GABBR2: variants seen among roughly 807,000 people sequenced by gnomAD.
GABBR2 encodes the protein G-protein coupled receptor 51.
Under a neutral mutation model 105.6 loss-of-function variants are expected in GABBR2, and 23 were observed. The observed-to-expected ratio is 0.22, with a 90% CI of 0.16 to 0.31. The LOEUF is 0.31. GABBR2 is among the 10% of genes least tolerant of loss of function. GABBR2 has a pLI of 1.00. For missense variants in GABBR2, 734 were observed against 1,245.5 expected (o/e 0.59, Z 6.18); for synonymous variants, 478 against 499.7 (o/e 0.96, Z 0.58).
chr9:98,460,623 T>G (rs1826407281), intron 6 of GABBR2, among the ~76,000 whole-genome samples: 1 of 152,034 alleles, frequency 6.6e-6, no homozygotes, highest in Admixed American at 6.6e-5. Context: ...AAAAAAAGTT[T>G]GGAAAATAAG....
chr9:98,607,901 T>TAAAC, intron 1 of GABBR2: 1 of 1,436,252 alleles, frequency 7.0e-7, no homozygotes, highest in South Asian at 1.2e-5. Context: ...ATGGAGCAGG[T>TAAAC]GTTTGAGATG....
At chr9:98,339,100 T>C (rs1374084383) in intron 13 of GABBR2, among the ~76,000 whole-genome samples, 1 of 151,160 alleles carries the variant, frequency 6.6e-6, no homozygotes, top group Admixed American at 6.6e-5. Context: ...AATAGATGAG[T>C]GGTTGCTAGG....
intron 11 of GABBR2, among the ~76,000 whole-genome samples, chr9:98,378,804 TGC>T (rs1831922092): frequency 1.3e-5 from 2 of 152,232 alleles, no homozygotes; most frequent in South Asian, 4.1e-4. Flanking sequence ...GATAAGGTCC[TGC>T]TTCTTGATAT....
chr9:98,322,115 C>G (rs1459656716), intron 13 of GABBR2, among the ~76,000 whole-genome samples: 1 of 152,100 alleles, frequency 6.6e-6, no homozygotes, highest in African/African-American at 2.4e-5. Flanking sequence ...TGCAGGGGAT[C>G]CTATTTGGTC....
In GABBR2 at chr9:98,517,720, C is replaced by G. The variant is rs1827785163; in HGVS notation, c.631-21206G>C. Among the ~76,000 whole-genome samples, 4 of 152,320 alleles carry G rather than the reference C, an allele frequency of 2.6e-5. No homozygotes were observed. The South Asian group carries it at 8.3e-4, about 32-fold the overall frequency. ...CTGCCCTGCCCTGCCCTGCTTTTTT[C>G]ATGGAATTAGAACTTTCAGATAGGG... On this transcript the variant is annotated intron_variant, in intron 3 of 18. Transcript: ENST00000259455.
At chr9:98,321,326 A>G (rs922656001) in intron 13 of GABBR2, among the ~76,000 whole-genome samples, 1 of 152,098 alleles carries the variant, frequency 6.6e-6, no homozygotes, top group Non-Finnish European at 1.5e-5. Context: ...CCATGCCCAC[A>G]TTCAGTGATT....
intron 2 of GABBR2, among the ~76,000 whole-genome samples, chr9:98,562,232 C>G (rs1167177082): frequency 1.3e-5 from 2 of 152,046 alleles, no homozygotes; most frequent in Non-Finnish European, 2.9e-5. Context: ...CATGAGGAAA[C>G]AAATGACAAT....
Position 98,691,934 on chromosome 9 carries a change from TCA to T in GABBR2, c.321+16481_321+16482del, listed in dbSNP as rs1830687497. 5.3e-5 allele frequency among the ~76,000 whole-genome samples: 8 copies of T among 152,364 alleles called. No individual in the cohort carries two copies. In the South Asian group the frequency reaches 1.7e-3, roughly 32 times the overall value. On this transcript the variant is annotated intron_variant, in intron 1 of 18. Transcript: ENST00000259455. ...TGCTAAGAGGATCTTCAAATCTCCC[TCA>T]CAGCATTTTTGTATTTGACACTATT...
At chr9:98,326,151 C>A (rs987297401) in intron 13 of GABBR2, among the ~76,000 whole-genome samples, 1 of 152,030 alleles carries the variant, frequency 6.6e-6, no homozygotes, top group African/African-American at 2.4e-5. Flanking sequence ...AAAGATGGGG[C>A]CGGGGGAATA....
intron 1 of GABBR2, among the ~76,000 whole-genome samples, chr9:98,634,883 G>A (rs1829857586): frequency 6.6e-6 from 1 of 152,148 alleles, no homozygotes; most frequent in Non-Finnish European, 1.5e-5. Context: ...CTCCAGTGCA[G>A]GAGAACTTAA....
At chr9:98,506,264 G>A (rs758070696) in intron 3 of GABBR2, among the ~76,000 whole-genome samples, 2 of 152,156 alleles carry the variant, frequency 1.3e-5, no homozygotes, top group Non-Finnish European at 2.9e-5. Context: ...TGAGTATGGG[G>A]GCTGTAACAT....
intron 13 of GABBR2, among the ~76,000 whole-genome samples, chr9:98,328,838 G>A (rs542846721): frequency 6.6e-6 from 1 of 152,330 alleles, no homozygotes; most frequent in South Asian, 2.1e-4. Context: ...GGGAAGTCCA[G>A]TCGACTAGGA....
chr9:98,603,885 TA>T (rs1288510272), intron 1 of GABBR2, among the ~76,000 whole-genome samples: 1 of 152,202 alleles, frequency 6.6e-6, no homozygotes, highest in Non-Finnish European at 1.5e-5. Flanking sequence ...TCTGGTTCAC[TA>T]AACCCCAAGA....
At chr9:98,389,419 C>T (rs1832139212) in intron 9 of GABBR2, among the ~76,000 whole-genome samples, 1 of 152,222 alleles carries the variant, frequency 6.6e-6, no homozygotes, top group South Asian at 2.1e-4. Context: ...TGCTCCTAAA[C>T]ATACACAATA....
chr9:98,478,627 G>C (rs901613473), intron 5 of GABBR2, among the ~76,000 whole-genome samples: 5 of 152,192 alleles, frequency 3.3e-5, no homozygotes, highest in African/African-American at 1.2e-4. Flanking sequence ...ACAAGCCAGG[G>C]GGCTTTGGGT....
At chr9:98,432,166 G>A (rs986331419) in intron 7 of GABBR2, among the ~76,000 whole-genome samples, 26 of 152,320 alleles carry the variant, frequency 1.7e-4, no homozygotes, top group African/African-American at 6.3e-4. Context: ...AAAGTGCTAG[G>A]ATTATAGGCG....
chr9:98,316,301 G>A (rs1179169087), intron 13 of GABBR2, among the ~76,000 whole-genome samples: 2 of 152,068 alleles, frequency 1.3e-5, no homozygotes, highest in South Asian at 2.1e-4. Context: ...ACAGGCATGC[G>A]CCACCACGCC....
chr9:98,537,388 A>G (rs1002253653), intron 3 of GABBR2, among the ~76,000 whole-genome samples: 2 of 152,202 alleles, frequency 1.3e-5, no homozygotes, highest in East Asian at 3.9e-4. Context: ...AAATGGGCAC[A>G]TGGGAATTTT....
intron 8 of GABBR2, among the ~76,000 whole-genome samples, chr9:98,396,654 C>T (rs1298648963): frequency 6.6e-6 from 1 of 152,226 alleles, no homozygotes; most frequent in African/African-American, 2.4e-5. Flanking sequence ...CTGAGCCCTG[C>T]AGATGCCCCA....
Sources: gnomAD v4.1 joint callset for allele counts (sites outside exome capture counted in the v4.1 genomes callset) on GRCh38, gnomAD v4.1.1 for gene constraint, MANE v1.5 for transcripts, NCBI Gene and HGNC (gene_info 2026-07-23, HGNC 2026-07-21) for gene names.